CDC42BPA: variants seen among roughly 807,000 people sequenced by gnomAD.
CDC42BPA encodes the protein serine/threonine-protein kinase MRCK alpha.
Under a neutral mutation model 223.5 loss-of-function variants are expected in CDC42BPA, and 80 were observed. The observed-to-expected ratio is 0.36, with a 90% confidence interval of 0.30 to 0.43. CDC42BPA has a LOEUF of 0.43. Ranked by LOEUF, CDC42BPA falls within the 20% of genes least tolerant of loss-of-function variation. The pLI, the probability that CDC42BPA is intolerant of heterozygous loss-of-function variation, is 1.00. For synonymous variants in CDC42BPA, 694 were observed against 718.6 expected, an observed-to-expected ratio of 0.97 and a Z score of 0.55; for missense variants, 1,743 against 2,099.9, an observed-to-expected ratio of 0.83 and a Z score of 3.32.
intron 1 of CDC42BPA, among the ~76,000 whole-genome samples, chr1:227,316,258 G>A (rs1377890726): frequency 6.6e-6 from 1 of 152,168 alleles, no homozygotes; most frequent in African/African-American, 2.4e-5. Flanking sequence ...AAGCTTGAAG[G>A]TCATGGAGCG....
At position 226,994,999 on chromosome 1, in the gene CDC42BPA, G is replaced by A. The variant is rs769833093; in HGVS notation, c.4976-19C>T. 6.2e-7 allele frequency: 1 copy of A among 1,604,766 alleles called. No individual in the cohort carries two copies. Among genetic ancestry groups the A allele is most frequent in the Admixed American group, 1.7e-5 (1 of 58,980 alleles). On this transcript the variant is annotated intron_variant, in intron 35 of 36. Transcript: ENST00000366766. This position sits in a 1 kb window ranked among gnomAD's most constrained non-coding sequence, Gnocchi z 4.0. Reference sequence around the variant, plus strand: ...GATGACCCTACAGTACATCATGCAGGCAAAATTTTACATATGCAGAGGGGA... The same window carrying A: ...GATGACCCTACAGTACATCATGCAGACAAAATTTTACATATGCAGAGGGGA...
At chr1:227,151,813 G>A (rs1005452982) in intron 6 of CDC42BPA, among the ~76,000 whole-genome samples, 1 of 149,890 alleles carries the variant, frequency 6.7e-6, no homozygotes, top group Middle Eastern at 3.5e-3. Context: ...GGGAGGCTGA[G>A]GTGGGTCAAT....
rs1299002235 is a variant in CDC42BPA at position 227,208,946 on chromosome 1, C to A, written c.354+4190G>T. On this transcript the variant is annotated intron_variant, in intron 3 of 36. Coordinates refer to ENST00000366766, the MANE Select transcript of CDC42BPA (RefSeq NM_001394014.1). The stretch of plus-strand genomic sequence containing the variant: ...CATTGAATCTGTAAATTACCATGGG[C>A]AGTATGGCCATTTTCACGATATTGA... Among the ~76,000 whole-genome samples the A allele has an allele frequency of 2.6e-5, 4 of 151,992 alleles. No individual in the cohort carries two copies. The East Asian group carries it at 7.7e-4, about 29-fold the overall frequency.
At chr1:227,111,958 T>C (rs1408051923) in intron 14 of CDC42BPA, 10 of 170,222 alleles carry the variant, frequency 5.9e-5, no homozygotes. Context: ...CACAAGTGTC[T>C]GCAAAGCTAC....
At chr1:227,091,813 T>A (rs1310157057) in intron 16 of CDC42BPA, 73 bp downstream of exon 16, 6 of 752,218 alleles carry the variant, frequency 8.0e-6, no homozygotes, top group African/African-American at 3.5e-5. Context: ...AATATAAAGT[T>A]ATACCCACAA....
chr1:227,046,492 CACCA>C (rs1165448420), intron 23 of CDC42BPA, among the ~76,000 whole-genome samples: 2 of 152,180 alleles, frequency 1.3e-5, no homozygotes, highest in African/African-American at 2.4e-5. Flanking sequence ...TTCTTTCTCT[CACCA>C]ACCAGTGAGC....
chr1:227,244,429 C>T (rs1326904685), intron 2 of CDC42BPA, among the ~76,000 whole-genome samples: 1 of 148,526 alleles, frequency 6.7e-6, no homozygotes, highest in African/African-American at 2.5e-5. Context: ...AACTCAAAAA[C>T]AAGCAAAAAA....
At chr1:227,091,814 A>G in intron 16 of CDC42BPA, 72 bp downstream of exon 16, 1 of 753,910 alleles carries the variant, frequency 1.3e-6, no homozygotes, top group Non-Finnish European at 2.2e-6. Context: ...ATATAAAGTT[A>G]TACCCACAAT....
At chr1:227,033,677 T>C (rs1234026663) in intron 26 of CDC42BPA, among the ~76,000 whole-genome samples, 3 of 152,188 alleles carry the variant, frequency 2.0e-5, no homozygotes, top group Non-Finnish European at 2.9e-5. Context: ...AGTATACACG[T>C]AGAACTGGGA....
At chr1:227,269,497 T>A (rs1037951855) in intron 1 of CDC42BPA, among the ~76,000 whole-genome samples, 7 of 152,172 alleles carry the variant, frequency 4.6e-5, no homozygotes, top group Admixed American at 2.0e-4. Flanking sequence ...TAGCCAGAAG[T>A]ATTAATAATA....
chr1:227,232,033 G>A (rs1203273679), intron 2 of CDC42BPA, among the ~76,000 whole-genome samples: 10 of 152,106 alleles, frequency 6.6e-5, no homozygotes, highest in Admixed American at 6.5e-5. Flanking sequence ...ATTGCTTTTC[G>A]TGTTTTAGTC....
intron 13 of CDC42BPA, 105 bp from the exon 14 acceptor site, chr1:227,112,527 T>C (rs1687101568): frequency 3.0e-6 from 3 of 999,350 alleles, no homozygotes; most frequent in Admixed American, 5.8e-5. Flanking sequence ...ATAATTCAAA[T>C]GTTTAAATCC....
intron 2 of CDC42BPA, among the ~76,000 whole-genome samples, chr1:227,249,318 G>A (rs935204285): frequency 6.6e-6 from 1 of 152,112 alleles, no homozygotes; most frequent in Non-Finnish European, 1.5e-5. Context: ...ATACCTCAAA[G>A]TATAAAACTA....
intron 5 of CDC42BPA, among the ~76,000 whole-genome samples, chr1:227,160,993 C>T (rs1663782442): frequency 6.6e-6 from 1 of 152,140 alleles, no homozygotes; most frequent in South Asian, 2.1e-4. Flanking sequence ...AAATACTATC[C>T]TCTAGCCCAT....
At chr1:227,179,217 G>C (rs1409524816) in intron 5 of CDC42BPA, among the ~76,000 whole-genome samples, 3 of 152,042 alleles carry the variant, frequency 2.0e-5, no homozygotes, top group African/African-American at 7.2e-5. Context: ...AGAGAAGAGT[G>C]TCTTTCTGAA....
intron 1 of CDC42BPA, among the ~76,000 whole-genome samples, chr1:227,275,120 T>A (rs1384092487): frequency 6.6e-6 from 1 of 152,152 alleles, no homozygotes; most frequent in Non-Finnish European, 1.5e-5. Context: ...AGAACATTTT[T>A]AAATCTTAAA....
At chr1:227,009,999 A>G (rs1325343933) in intron 34 of CDC42BPA, among the ~76,000 whole-genome samples, 1 of 152,222 alleles carries the variant, frequency 6.6e-6, no homozygotes, top group African/African-American at 2.4e-5. Context: ...AAGTTAGGGG[A>G]CATTATGGGA....
Position 227,119,920 on chromosome 1 carries a change from G to C in CDC42BPA, c.1531C>G (p.Gln511Glu), listed in dbSNP as rs770140412. The C allele has an allele frequency of 6.3e-7, 1 of 1,593,314 alleles. No homozygotes were observed. Among genetic ancestry groups the C allele is most frequent in the Admixed American group, 1.8e-5 (1 of 56,170 alleles). ...KQVTESSHLE[Q>E]QLEEANAVRQ... Reference sequence around the variant, plus strand: ...ACAGCATTAGCTTCTTCAAGTTGCTGTTCCAAATGACTTGATTCTAAAAAC... The same window carrying C: ...ACAGCATTAGCTTCTTCAAGTTGCTCTTCCAAATGACTTGATTCTAAAAAC... Residue 511 changes from glutamine (Q) to glutamate (E), a missense_variant, in exon 12 of 37, where the codon CAG becomes GAG. Transcript: ENST00000366766.
chr1:227,111,703 G>T (rs1686959132), intron 14 of CDC42BPA, among the ~76,000 whole-genome samples: 1 of 152,000 alleles, frequency 6.6e-6, no homozygotes. Context: ...GGCTGGTCTC[G>T]AACTCCTGAC....
Sources: allele counts gnomAD v4.1 joint callset (sites outside exome capture counted in the v4.1 genomes callset), GRCh38; gene constraint gnomAD v4.1.1; non-coding constraint Gnocchi (gnomAD v3.1); transcripts MANE v1.5; gene names NCBI Gene and HGNC (gene_info 2026-07-23, HGNC 2026-07-21).